TP53AIP1: variants seen among roughly 807,000 people sequenced by gnomAD.
The protein encoded by TP53AIP1 is tumor protein p53 regulated apoptosis inducing protein 1.
TP53AIP1 carries 14 observed loss-of-function variants against 9.5 expected under a neutral mutation model. The observed-to-expected ratio is 1.47, with a 90% CI of 0.97 to 2.30. The LOEUF is 2.30. Among genes scored for constraint, TP53AIP1 ranks in the 30% most tolerant of loss-of-function variants. The pLI, the probability that TP53AIP1 is intolerant of heterozygous loss-of-function variation, is 0.00. For missense variants in TP53AIP1, 153 were observed against 146.7 expected (o/e 1.04, Z -0.22); for synonymous variants, 73 against 61.2 (o/e 1.19, Z -0.90).
At chr11:128,935,074 C>A (rs1284397542), downstream of TP53AIP1, 1 of 704,874 alleles carries the variant, frequency 1.4e-6, no homozygotes, top group Admixed American at 2.0e-5. Flanking sequence ...ACCAAGCTAT[C>A]AATGCCGGGG....
In TP53AIP1 at chr11:128,937,683, C is replaced by T; in HGVS notation, c.136G>A (p.Gly46Ser). 6 of 1,614,184 alleles carry T rather than the reference C, an allele frequency of 3.7e-6. No individual in the cohort carries two copies. In the African/African-American group the frequency reaches 5.3e-5, roughly 14 times the overall value. ...TTTTCACTGCAGGGACTTACCCAGC[C>T]AGGTGTGTGTGTCTGAGCCCTGCCA... ...PNGRAQTHTP[G>S]WVSDPLVLGA... The change falls in exon 2 of 4, where the codon GGC (glycine) becomes AGC (serine). Residue 46 changes from glycine to serine, a missense_variant. Transcript: ENST00000531399. This position sits in a 1 kb window ranked among gnomAD's most constrained non-coding sequence, Gnocchi z 4.8.
chr11:128,942,197 T>C (rs879453529), intron 1 of TP53AIP1, among the ~76,000 whole-genome samples: 3 of 152,164 alleles, frequency 2.0e-5, no homozygotes, highest in Admixed American at 2.0e-4. Context: ...TGGTGAACCC[T>C]GCCATGACAT....
Position 128,937,918 on chromosome 11 carries a change from T to C in TP53AIP1, c.-76-24A>G, listed in dbSNP as rs1944865645. ...GACTAAAAACAAACAAAACAGGCTA[T>C]GAACAGAAGCAGTGGTGGCAGCGCT... On this transcript the variant is annotated intron_variant, in intron 1 of 3. Coordinates refer to ENST00000531399, the MANE Select transcript of TP53AIP1 (RefSeq NM_022112.3). The surrounding 1 kb of genome is among the most constrained non-coding windows in gnomAD (Gnocchi z 4.8). 6 of 1,295,960 alleles carry C rather than the reference T, an allele frequency of 4.6e-6. No individual in the cohort carries two copies. The highest frequency in any genetic ancestry group is 4.2e-6 in the Non-Finnish European group (4 of 955,252). 80.3% of individuals were successfully genotyped at this position (1,295,960 alleles called of 1,614,324 possible). A position where few individuals can be genotyped will look rare whatever the true frequency, so the allele number is the denominator to read the frequency against.
chr11:128,938,236 C>G (rs921161763), intron 1 of TP53AIP1, among the ~76,000 whole-genome samples: 11 of 152,194 alleles, frequency 7.2e-5, no homozygotes, highest in African/African-American at 2.7e-4. Flanking sequence ...GTGGGCTACC[C>G]TGATGAGGGG....
In TP53AIP1 at chr11:128,935,518, G is replaced by GTT. The variant is rs1555049425; in HGVS notation, c.*71_*72dup. ...CATTTCTCGACGGTGCTTTCTGTTT[G>GTT]TTTGTTTGTTTTTGTTTTGAGATGG... On this transcript the variant is annotated 3_prime_UTR_variant, in exon 4 of 4. Transcript: ENST00000531399. The GTT allele has an allele frequency of 1.3e-5, 19 of 1,507,792 alleles. No individual in the cohort carries two copies. The highest frequency in any genetic ancestry group is 6.3e-5 in the Admixed American group (3 of 47,976). 93.4% of individuals were successfully genotyped at this position (1,507,792 alleles called of 1,614,324 possible).
chr11:128,935,891 T>A, intron 3 of TP53AIP1, 179 bp from the exon 4 acceptor site: 1 of 1,314,418 alleles, frequency 7.6e-7, no homozygotes, highest in Non-Finnish European at 9.6e-7. Flanking sequence ...AAAAAATCTT[T>A]AGATTTCATA....
At chr11:128,938,038 G>T in intron 1 of TP53AIP1, 144 bp from the exon 2 acceptor site, 2 of 557,004 alleles carry the variant, frequency 3.6e-6, no homozygotes, top group Non-Finnish European at 3.1e-6. Flanking sequence ...GGGCTGGGCT[G>T]TAACCACACA....
chr11:128,940,310 G>A (rs993669868), intron 1 of TP53AIP1, among the ~76,000 whole-genome samples: 3 of 152,246 alleles, frequency 2.0e-5, no homozygotes, highest in African/African-American at 7.2e-5. Context: ...CCGTCTCTGA[G>A]GCAGACATGA....
intron 1 of TP53AIP1, among the ~76,000 whole-genome samples, chr11:128,942,356 T>C (rs1944964670): frequency 6.6e-6 from 1 of 152,048 alleles, no homozygotes; most frequent in African/African-American, 2.4e-5. Context: ...CCAGGGGACG[T>C]GAGAAAGGGG....
chr11:128,941,558 GC>G (rs772228240), intron 1 of TP53AIP1, among the ~76,000 whole-genome samples: 5 of 152,184 alleles, frequency 3.3e-5, no homozygotes, highest in African/African-American at 4.8e-5. Context: ...TTTCTCCCTT[GC>G]CAGCTGGCAT....
downstream of TP53AIP1, chr11:128,934,972 C>A: frequency 1.4e-6 from 1 of 702,730 alleles, no homozygotes; most frequent in Non-Finnish European, 2.6e-6. Context: ...TTAAGGGTTG[C>A]CCTGGGGCTT....
In TP53AIP1 at chr11:128,937,611, G is replaced by A; in HGVS notation, c.141+67C>T. The A allele has an allele frequency of 1.2e-6, 2 of 1,614,190 alleles. No individual in the cohort carries two copies. Among genetic ancestry groups the A allele is most frequent in the Non-Finnish European group, 1.7e-6 (2 of 1,180,044 alleles). On this transcript the variant is annotated intron_variant, in intron 2 of 3. Transcript: ENST00000531399. This position sits in a 1 kb window ranked among gnomAD's most constrained non-coding sequence, Gnocchi z 4.8. Reference sequence around the variant, plus strand: ...AAACTTGGGATGTCGGCACCACGGTGAGAGCAGAGTCTGCCCGGGGCTGTG... The same window carrying A: ...AAACTTGGGATGTCGGCACCACGGTAAGAGCAGAGTCTGCCCGGGGCTGTG...
chr11:128,940,060 C>G (rs1944911988), intron 1 of TP53AIP1, among the ~76,000 whole-genome samples: 1 of 152,168 alleles, frequency 6.6e-6, no homozygotes, highest in Non-Finnish European at 1.5e-5. Context: ...ATAGTGCCCT[C>G]AACACAGGGC....
chr11:128,942,348 A>C (rs1243225676), intron 1 of TP53AIP1, among the ~76,000 whole-genome samples: 1 of 152,198 alleles, frequency 6.6e-6, no homozygotes, highest in Non-Finnish European at 1.5e-5. Flanking sequence ...GCCGTTCACC[A>C]GGGGACGTGA....
In TP53AIP1 at chr11:128,937,333, G is replaced by T; in HGVS notation, c.141+345C>A. On this transcript the variant is annotated intron_variant, in intron 2 of 3. Transcript: ENST00000531399. This position sits in a 1 kb window ranked among gnomAD's most constrained non-coding sequence, Gnocchi z 4.8. ...CCCATGCGCTCCACATGCGTCCTTTGTTCAGCCTCTCCATTTAGCTCTCAC... is the reference window on the plus strand; with the variant it reads ...CCCATGCGCTCCACATGCGTCCTTTTTTCAGCCTCTCCATTTAGCTCTCAC... The T allele has an allele frequency of 7.1e-7, 1 of 1,413,940 alleles. No individual in the cohort carries two copies. The highest frequency in any genetic ancestry group is 9.2e-7 in the Non-Finnish European group (1 of 1,088,294). 87.6% of individuals were successfully genotyped at this position (1,413,940 alleles called of 1,614,324 possible).
chr11:128,935,449 T>C lies in TP53AIP1; in HGVS notation c.*142A>G, dbSNP rs1485172650. ...CAACCTAGCCACCCAACTGGCCCAG[T>C]GGTCAAGGGGGGAAATGAGGTGGCC... On this transcript the variant is annotated 3_prime_UTR_variant, in exon 4 of 4. Transcript: ENST00000531399. 1.6e-5 allele frequency: 23 copies of C among 1,423,374 alleles called. No individual in the cohort carries two copies. Among genetic ancestry groups the C allele is most frequent in the Non-Finnish European group, 2.1e-5 (23 of 1,094,752 alleles). The allele number at this position is 1,423,374 out of a possible 1,614,324, so 88.2% of individuals were successfully genotyped here. A position where few individuals can be genotyped will look rare whatever the true frequency, so the allele number is the denominator to read the frequency against.
rs1944849583 is a variant in TP53AIP1 at position 128,937,452 on chromosome 11, G to A, written c.141+226C>T. 1 of 1,505,472 alleles carries A rather than the reference G, an allele frequency of 6.6e-7. No individual in the cohort carries two copies. 93.3% of individuals were successfully genotyped at this position (1,505,472 alleles called of 1,614,324 possible). A position where few individuals can be genotyped will look rare whatever the true frequency, so the allele number is the denominator to read the frequency against. On this transcript the variant is annotated intron_variant, in intron 2 of 3. Coordinates refer to ENST00000531399, the MANE Select transcript of TP53AIP1 (RefSeq NM_022112.3). The surrounding 1 kb of genome is among the most constrained non-coding windows in gnomAD (Gnocchi z 4.8). ...TAGAAACCCAGGATTCCGAGGAGGA[G>A]GAGGGCTGGCCTTCCTCTTGGGACT... is the stretch of plus-strand genomic sequence containing the variant.
At chr11:128,936,094 G>T in intron 3 of TP53AIP1, 1 of 846,328 alleles carries the variant, frequency 1.2e-6, no homozygotes, top group Non-Finnish European at 1.5e-6. Context: ...CTGAGACTCA[G>T]GCAGGCCAGT....
At chr11:128,941,291 C>G (rs1944937586) in intron 1 of TP53AIP1, among the ~76,000 whole-genome samples, 1 of 152,188 alleles carries the variant, frequency 6.6e-6, no homozygotes, top group African/African-American at 2.4e-5. Context: ...TTTCCTCTCC[C>G]TCCCCTGGCC....
Sources: allele counts gnomAD v4.1 joint callset (sites outside exome capture counted in the v4.1 genomes callset), GRCh38; gene constraint gnomAD v4.1.1; non-coding constraint Gnocchi (gnomAD v3.1); transcripts MANE v1.5; gene names NCBI Gene and HGNC (gene_info 2026-07-23, HGNC 2026-07-21).